Variants in PKD2 observed in about 807,000 individuals in gnomAD.
PKD2 encodes the protein polycystin-2.
PKD2 carries 48 observed loss-of-function variants against 105.9 expected under a neutral mutation model. The observed-to-expected ratio is 0.45, with a 90% CI of 0.36 to 0.58. PKD2 has a LOEUF of 0.58. PKD2 is among the 20% of genes least tolerant of loss of function. The probability of loss-of-function intolerance (pLI) is 0.00; values close to 1 mark genes in which losing one functional copy is unlikely to be tolerated. For missense variants in PKD2, 1,078 were observed against 1,255.3 expected, an observed-to-expected ratio of 0.86 and a Z score of 2.13; for synonymous variants, 464 against 481.1, an observed-to-expected ratio of 0.96 and a Z score of 0.46.
chr4:88,031,441 A>T (rs1376839406), intron 2 of PKD2, among the ~76,000 whole-genome samples: 2 of 152,202 alleles, frequency 1.3e-5, no homozygotes, highest in African/African-American at 4.8e-5. Context: ...ACCATAAGTT[A>T]TACAGCTAAC....
chr4:88,015,474 G>A (rs1726527897), intron 1 of PKD2, among the ~76,000 whole-genome samples: 2 of 152,198 alleles, frequency 1.3e-5, no homozygotes, highest in Non-Finnish European at 2.9e-5. Flanking sequence ...GTGCAGTGGT[G>A]TGATCTCGGC....
At chr4:88,020,960 T>C (rs1578119163) in intron 2 of PKD2, among the ~76,000 whole-genome samples, 2 of 152,304 alleles carry the variant, frequency 1.3e-5, no homozygotes, top group East Asian at 1.9e-4. Context: ...TCTGGGATTA[T>C]AGGCATGAGC....
intron 2 of PKD2, among the ~76,000 whole-genome samples, chr4:88,028,661 T>C (rs1727039695): frequency 6.6e-6 from 1 of 152,252 alleles, no homozygotes; most frequent in Non-Finnish European, 1.5e-5. Context: ...TATTTACCCT[T>C]GCTATTGTGT....
chr4:88,056,766 T>A (rs545722304), intron 8 of PKD2, among the ~76,000 whole-genome samples: 1 of 152,324 alleles, frequency 6.6e-6, no homozygotes, highest in East Asian at 1.9e-4. Flanking sequence ...AGTGTCAGAT[T>A]TCTATGCCAT....
At chr4:88,010,647 G>T (rs1726353535) in intron 1 of PKD2, among the ~76,000 whole-genome samples, 1 of 152,172 alleles carries the variant, frequency 6.6e-6, no homozygotes, top group Non-Finnish European at 1.5e-5. Flanking sequence ...GAAGTCTCTT[G>T]CCTTTGTGAC....
At chr4:88,051,730 A>G (rs572183768) in intron 6 of PKD2, among the ~76,000 whole-genome samples, 4 of 152,324 alleles carry the variant, frequency 2.6e-5, no homozygotes, top group Admixed American at 1.3e-4. Flanking sequence ...TGTAATGTAT[A>G]TGTGCACACA....
chr4:88,060,245 G>T (rs546404801), intron 9 of PKD2, among the ~76,000 whole-genome samples: 1 of 152,222 alleles, frequency 6.6e-6, no homozygotes, highest in East Asian at 1.9e-4. Flanking sequence ...GTGTTACTTG[G>T]ACTGCAATTA....
chr4:88,075,374 C>G, intron 14 of PKD2, 84 bp from the exon 15 acceptor site: 1 of 1,007,802 alleles, frequency 9.9e-7, no homozygotes, highest in Non-Finnish European at 1.6e-6. Context: ...CCAGCCTTAC[C>G]AAACTACAGA....
rs898977401 is a variant in PKD2, at chr4:88,036,422, A to G, written c.843+69A>G. The G allele has an allele frequency of 1.7e-5, 28 of 1,604,238 alleles. No individual in the cohort carries two copies. In the Admixed American group the frequency reaches 2.2e-4, roughly 12 times the overall value. On this transcript the variant is annotated intron_variant, in intron 3 of 14. Transcript: ENST00000237596. ...TTGTTCATTTGGCTTCATCATTTCA[A>G]TGCATGAGTATCGACAGGACCTGCT...
intron 3 of PKD2, among the ~76,000 whole-genome samples, chr4:88,037,606 A>G (rs1396516848): frequency 6.6e-6 from 1 of 152,238 alleles, no homozygotes; most frequent in Non-Finnish European, 1.5e-5. Context: ...TGAATCTTTC[A>G]CCATCTGAGT....
intron 7 of PKD2, among the ~76,000 whole-genome samples, chr4:88,053,967 G>C (rs1015753580): frequency 2.6e-5 from 4 of 152,074 alleles, no homozygotes; most frequent in African/African-American, 9.7e-5. Context: ...TTTGAATTTA[G>C]ATATCCACAC....
intron 9 of PKD2, among the ~76,000 whole-genome samples, chr4:88,059,729 A>G (rs1218661842): frequency 2.0e-5 from 3 of 149,436 alleles, no homozygotes; most frequent in African/African-American, 7.5e-5. Context: ...ATATAGGTGG[A>G]TAGATACATA....
intron 13 of PKD2, among the ~76,000 whole-genome samples, chr4:88,073,061 A>G: frequency 6.9e-6 from 1 of 144,226 alleles, no homozygotes; most frequent in African/African-American, 2.6e-5. Context: ...AAAGAGTAGG[A>G]ACATTGAGGC....
chr4:88,051,531 A>C (rs1262618721), intron 6 of PKD2, among the ~76,000 whole-genome samples: 1 of 152,218 alleles, frequency 6.6e-6, no homozygotes, highest in Non-Finnish European at 1.5e-5. Flanking sequence ...AATGGCTGGC[A>C]ATTGGAGAAT....
chr4:88,043,526 C>A, intron 5 of PKD2, 69 bp downstream of exon 5: 1 of 1,165,790 alleles, frequency 8.6e-7, no homozygotes, highest in Non-Finnish European at 1.3e-6. Context: ...CTGGGGTTAG[C>A]CAGAAAAACC....
chr4:88,073,034 C>CA (rs34782103), intron 13 of PKD2, among the ~76,000 whole-genome samples: 1,084 of 79,824 alleles, frequency 0.014, 12 homozygotes, highest in South Asian at 0.024. Flanking sequence ...GACTCTGTCT[C>CA]AAAAAAAAAA....
rs113280618 is a variant in PKD2, at chr4:88,033,848, C to CT, written c.710-2370dup. Among the ~76,000 whole-genome samples the CT allele has an allele frequency of 6.8e-3, 1,029 of 152,258 alleles. 16 individuals are homozygous for CT. The highest frequency in any genetic ancestry group is 0.023 in the African/African-American group (972 of 41,544). On this transcript the variant is annotated intron_variant, in intron 2 of 14. Transcript: ENST00000237596. ...AATCATTTGGTTGGCTCTGAGCAGC[C>CT]TTCACTGCTTGCTCTTGTGTCATGT...
At chr4:88,034,872 C>T (rs1031303493) in intron 2 of PKD2, among the ~76,000 whole-genome samples, 1 of 151,956 alleles carries the variant, frequency 6.6e-6, no homozygotes, top group African/African-American at 2.4e-5. Flanking sequence ...CCCCTTGAAA[C>T]TTTTTATCAG....
intron 13 of PKD2, among the ~76,000 whole-genome samples, chr4:88,070,384 A>G (rs533345704): frequency 2.2e-4 from 34 of 151,610 alleles, no homozygotes; most frequent in African/African-American, 7.7e-4. Context: ...TGGGACCCGC[A>G]TTATGCATAT....
Sources: allele counts gnomAD v4.1 joint callset (sites outside exome capture counted in the v4.1 genomes callset), GRCh38; gene constraint gnomAD v4.1.1; transcripts MANE v1.5; gene names NCBI Gene and HGNC (gene_info 2026-07-23, HGNC 2026-07-21).